The following PHACTR2 variants were observed in gnomAD, a reference collection of about 807,000 sequenced individuals.
The protein encoded by PHACTR2 is phosphatase and actin regulator 2, also known as chromosome 6 open reading frame 56.
PHACTR2 carries 30 observed loss-of-function variants against 76.0 expected under a neutral mutation model. That is an observed-to-expected ratio of 0.39 (90% CI 0.30 to 0.54). PHACTR2 has a LOEUF of 0.54. PHACTR2 is among the 20% of genes least tolerant of loss of function. PHACTR2 has a pLI of 0.61. For missense variants in PHACTR2, 696 were observed against 781.1 expected (o/e 0.89, Z 1.30); for synonymous variants, 292 against 292.5 (o/e 1.00, Z 0.02).
At chr6:143,577,550 T>C (rs1179790252) in intron 1 of PHACTR2, among the ~76,000 whole-genome samples, 1 of 152,142 alleles carries the variant, frequency 6.6e-6, no homozygotes, top group East Asian at 1.9e-4. Flanking sequence ...GAGATGAGAA[T>C]GCCCCGTGTG....
In PHACTR2 at chr6:143,653,094, G is replaced by T. The variant is rs1562260152; in HGVS notation, c.13+44772G>T. 6.6e-6 allele frequency among the ~76,000 whole-genome samples: 1 copy of T among 152,188 alleles called. No individual in the cohort carries two copies. The highest frequency in any genetic ancestry group is 1.9e-4 in the East Asian group (1 of 5,190). ...GTGTGATGGTTGCCTCACTGCCAGAGCATTTGTTCTGGATGCCTCTGTCCC... is the reference window on the plus strand; with the variant it reads ...GTGTGATGGTTGCCTCACTGCCAGATCATTTGTTCTGGATGCCTCTGTCCC... On this transcript the variant is annotated intron_variant, in intron 1 of 11. Transcript: ENST00000305766. This position sits in a 1 kb window ranked among gnomAD's most constrained non-coding sequence, Gnocchi z 4.9.
chr6:143,720,263 A>T (rs997907311), intron 2 of PHACTR2, among the ~76,000 whole-genome samples: 5 of 152,210 alleles, frequency 3.3e-5, no homozygotes, highest in Admixed American at 1.3e-4. Flanking sequence ...TCCTTCTTGC[A>T]AAAACTTGCA....
Position 143,591,320 on chromosome 6 carries a change from A to G in PHACTR2, c.217+54113A>G, listed in dbSNP as rs1442988914. On this transcript the variant is annotated intron_variant, in intron 1 of 11. Transcript: ENST00000367584. The surrounding 1 kb of genome is among the most constrained non-coding windows in gnomAD (Gnocchi z 6.4). ...ATGGAGGTGGGCCATTCCAGGGTAC[A>G]TTTAGGACACTCTGGAATGACCCTG... Among the ~76,000 whole-genome samples the G allele has an allele frequency of 6.6e-6, 1 of 152,182 alleles. No homozygotes were observed. The highest frequency in any genetic ancestry group is 2.4e-5 in the African/African-American group (1 of 41,452).
Position 143,742,759 on chromosome 6 carries a change from C to G in PHACTR2, c.215-6226C>G, listed in dbSNP as rs538963925. Among the ~76,000 whole-genome samples the G allele has an allele frequency of 5.9e-5, 9 of 152,298 alleles. No homozygotes were observed. Among genetic ancestry groups the G allele is most frequent in the African/African-American group, 1.9e-4 (8 of 41,564 alleles). On this transcript the variant is annotated intron_variant, in intron 2 of 12. Transcript: ENST00000440869. This position sits in a 1 kb window ranked among gnomAD's most constrained non-coding sequence, Gnocchi z 4.5. ...AAAAAGACACTTAGGTCCCCAATAT[C>G]TACTCTGTGCGATATATTATTTTGG...
chr6:143,641,851 G>T lies in PHACTR2; in HGVS notation c.13+33529G>T, dbSNP rs769837933. 3.1e-4 allele frequency among the ~76,000 whole-genome samples: 47 copies of T among 152,122 alleles called. No homozygotes were observed. Among genetic ancestry groups the T allele is most frequent in the Non-Finnish European group, 5.3e-4 (36 of 68,022 alleles). ...CACCAAGCTTGTGGTAATTTGTCATGACAGCCACAAGAAGCAAATACAAGC... is the reference window on the plus strand; with the variant it reads ...CACCAAGCTTGTGGTAATTTGTCATTACAGCCACAAGAAGCAAATACAAGC... On this transcript the variant is annotated intron_variant, in intron 1 of 11. Transcript: ENST00000305766. The surrounding 1 kb of genome is among the most constrained non-coding windows in gnomAD (Gnocchi z 5.8).
chr6:143,772,439 G>C lies in PHACTR2; in HGVS notation c.1414G>C (p.Glu472Gln), dbSNP rs756417502. The part of the protein sequence containing the change: ...YTDDEDEDED[E>Q]DGSGESALAS... ...CGATGATGAGGACGAAGACGAAGAT[G>C]AGGATGGCAGTGGAGAAAGTAAGAC... is the stretch of plus-strand genomic sequence containing the variant. The change falls in exon 7 of 13, where the codon GAG (glutamate) becomes CAG (glutamine). Residue 472 changes from glutamate (E) to glutamine (Q), a missense_variant. By Grantham distance (29) the Glu-to-Gln change is conservative (BLOSUM62 2). Transcript: ENST00000440869. The surrounding 1 kb of genome is among the most constrained non-coding windows in gnomAD (Gnocchi z 5.4). 8.1e-6 allele frequency: 13 copies of C among 1,613,720 alleles called. No individual in the cohort carries two copies. In the South Asian group the frequency reaches 1.4e-4, roughly 18 times the overall value.
chr6:143,631,322 C>T (rs1304741831), intron 1 of PHACTR2, among the ~76,000 whole-genome samples: 1 of 152,076 alleles, frequency 6.6e-6, no homozygotes, highest in East Asian at 1.9e-4. Context: ...TCCCTAGTAG[C>T]TAGGACCACA....
At position 143,774,101 on chromosome 6, in the gene PHACTR2, T is replaced by C. The variant is rs1054381689; in HGVS notation, c.1475T>C (p.Ile492Thr). ...ATACGCCGGAGGGATACTCTTGCTA[T>C]CAAACTTGGCAACAGACCATCTAAG... is the stretch of plus-strand genomic sequence containing the variant. ...SKIRRRDTLAIKLGNRPSKKE... is the reference protein window; with the variant it reads ...SKIRRRDTLATKLGNRPSKKE... Residue 492 changes from isoleucine to threonine, a missense_variant, in exon 8 of 13, where the codon ATC becomes ACC. By Grantham distance (89) the Ile-to-Thr change is moderately conservative. Transcript: ENST00000440869. This position sits in a 1 kb window ranked among gnomAD's most constrained non-coding sequence, Gnocchi z 5.4. 7 of 1,613,846 alleles carry C rather than the reference T, an allele frequency of 4.3e-6. No individual in the cohort carries two copies. In the Admixed American group the frequency reaches 1.2e-4, roughly 27 times the overall value.
chr6:143,574,325 C>A (rs996385627), intron 1 of PHACTR2, among the ~76,000 whole-genome samples: 1 of 152,174 alleles, frequency 6.6e-6, no homozygotes, highest in African/African-American at 2.4e-5. Context: ...TTCCCTTTGC[C>A]ACATTCTATC....
intron 1 of PHACTR2, among the ~76,000 whole-genome samples, chr6:143,640,644 GT>G (rs1336767504): frequency 6.6e-6 from 1 of 152,082 alleles, no homozygotes; most frequent in Admixed American, 6.5e-5. Context: ...AACTAATTTA[GT>G]GCTATTAATA....
rs1776248433 is a variant in PHACTR2 at position 143,625,834 on chromosome 6, A to G, written c.13+17512A>G. 6.6e-6 allele frequency among the ~76,000 whole-genome samples: 1 copy of G among 152,212 alleles called. No individual in the cohort carries two copies. Among genetic ancestry groups the G allele is most frequent in the African/African-American group, 2.4e-5 (1 of 41,450 alleles). On this transcript the variant is annotated intron_variant, in intron 1 of 11. Coordinates refer to the PHACTR2 transcript ENST00000305766. The surrounding 1 kb of genome is among the most constrained non-coding windows in gnomAD (Gnocchi z 4.3). ...CCAACAGACAGTGACCAGATCAACA[A>G]GTAAATGTATGATAAAATGCCAGGA...
At chr6:143,640,312 C>T (rs138954978) in intron 1 of PHACTR2, among the ~76,000 whole-genome samples, 86 of 152,268 alleles carry the variant, frequency 5.6e-4, no homozygotes, top group Non-Finnish European at 1.0e-3. Flanking sequence ...GTAAAACAGC[C>T]TCAGTCAGTT....
At chr6:143,812,050 A>G (rs903914387) in intron 12 of PHACTR2, among the ~76,000 whole-genome samples, 1 of 151,926 alleles carries the variant, frequency 6.6e-6, no homozygotes, top group Admixed American at 6.6e-5. Flanking sequence ...CAAAACCTCA[A>G]TCTGTGAACT....
In PHACTR2 at chr6:143,638,576, T is replaced by TACACACAC. The variant is rs113707533; in HGVS notation, c.13+30271_13+30278dup. Among the ~76,000 whole-genome samples the TACACACAC allele has an allele frequency of 8.5e-3, 1,245 of 146,986 alleles. 17 individuals carry two copies. Among genetic ancestry groups the TACACACAC allele is most frequent in the African/African-American group, 0.029 (1,157 of 39,542 alleles). Reference sequence around the variant, plus strand: ...AAAAAAAGTATTACACACACACACATACACACACACACACACACACACACC... The same window carrying TACACACAC: ...AAAAAAAGTATTACACACACACACATACACACACACACACACACACACACACACACACC... On this transcript the variant is annotated intron_variant, in intron 1 of 11. Transcript: ENST00000305766.
intron 1 of PHACTR2, among the ~76,000 whole-genome samples, chr6:143,542,425 G>T (rs1359933391): frequency 6.6e-6 from 1 of 152,170 alleles, no homozygotes; most frequent in South Asian, 2.1e-4. Flanking sequence ...TAAGTCAGGA[G>T]GTCCTTATTA....
chr6:143,608,561 T>TATTTG lies in PHACTR2; in HGVS notation c.13+243_13+244insGATTT, dbSNP rs66521530. Among the ~76,000 whole-genome samples, 1 of 74,316 alleles carries TATTTG rather than the reference T, an allele frequency of 1.3e-5. No individual in the cohort carries two copies. The highest frequency in any genetic ancestry group is 2.6e-5 in the Non-Finnish European group (1 of 38,874). 48.8% of individuals were successfully genotyped at this position (74,316 alleles called of 152,430 possible). ...ATTCACCTTTTGTGAAGACTACTGC[T>TATTTG]ATTTAGGCTGAAGCAAGTGTGGTGT... On this transcript the variant is annotated intron_variant, in intron 1 of 11. Transcript: ENST00000305766. The surrounding 1 kb of genome is among the most constrained non-coding windows in gnomAD (Gnocchi z 4.6).
At position 143,548,965 on chromosome 6, in the gene PHACTR2, T is replaced by C. The variant is rs9496662; in HGVS notation, c.217+11758T>C. On this transcript the variant is annotated intron_variant, in intron 1 of 11. Coordinates refer to the PHACTR2 transcript ENST00000367584. The surrounding 1 kb of genome is among the most constrained non-coding windows in gnomAD (Gnocchi z 4.5). Reference sequence around the variant, plus strand: ...AGAATAGGAAGGATGATGGAAATCATTGGCTGGGGTGAGGTGGGGGCACCT... The same window carrying C: ...AGAATAGGAAGGATGATGGAAATCACTGGCTGGGGTGAGGTGGGGGCACCT... Among the ~76,000 whole-genome samples the C allele has an allele frequency of 0.022, 3,345 of 151,970 alleles. 140 individuals are homozygous for C. The highest frequency in any genetic ancestry group is 0.076 in the African/African-American group (3,169 of 41,452).
intron 2 of PHACTR2, among the ~76,000 whole-genome samples, chr6:143,747,283 GA>G (rs764426150): frequency 2.0e-5 from 3 of 151,240 alleles, no homozygotes; most frequent in South Asian, 4.2e-4. Context: ...TATCAGAAAG[GA>G]AAAAAAAATC....
chr6:143,725,595 T>C (rs1778547004), intron 2 of PHACTR2, among the ~76,000 whole-genome samples: 1 of 151,666 alleles, frequency 6.6e-6, no homozygotes, highest in Admixed American at 6.6e-5. Context: ...TTCAAGAATG[T>C]CATAGGCTGG....
Sources: allele counts gnomAD v4.1 joint callset (sites outside exome capture counted in the v4.1 genomes callset), GRCh38; gene constraint gnomAD v4.1.1; non-coding constraint Gnocchi (gnomAD v3.1); transcripts MANE v1.5; gene names NCBI Gene and HGNC (gene_info 2026-07-23, HGNC 2026-07-21).